RNF17: variants seen among roughly 807,000 people sequenced by gnomAD.
The protein encoded by RNF17 is ring finger protein 17, also known as spermatogenesis associated 23.
Under a neutral mutation model 200.5 loss-of-function variants are expected in RNF17, and 31 were observed. The ratio of observed to expected loss-of-function variants is 0.15; its 90% CI spans 0.12 to 0.21. The LOEUF is 0.21. Ranked by LOEUF, RNF17 falls within the 10% of genes least tolerant of loss-of-function variation. RNF17 has a pLI of 1.00. For synonymous variants in RNF17, 606 were observed against 637.8 expected (o/e 0.95, Z 0.75); for missense variants, 1,628 against 1,905.1 (o/e 0.85, Z 2.71).
In RNF17 at chr13:24,793,162, C is replaced by G; in HGVS notation, c.1056C>G (p.Val352=). The change falls in exon 10 of 36, where the codon GTC becomes GTG. Residue 352 remains valine, a synonymous_variant. Transcript: ENST00000255324. ...AAAAGAAAAAGGTTGACATGTCTGT[C>G]CTAACCAGTGAAGCACCACCACCTC... ...PLEKKKVDMS[V]LTSEAPPPPL... is the part of the protein sequence containing the mutation. 1 of 1,614,070 alleles carries G rather than the reference C, an allele frequency of 6.2e-7. No homozygotes were observed. Among genetic ancestry groups the G allele is most frequent in the Non-Finnish European group, 8.5e-7 (1 of 1,179,962 alleles).
At chr13:24,777,377 G>T (rs1046844236) in intron 3 of RNF17, among the ~76,000 whole-genome samples, 7 of 152,308 alleles carry the variant, frequency 4.6e-5, no homozygotes, top group African/African-American at 1.7e-4. Flanking sequence ...GTGATACAAA[G>T]ATAAAAATAG....
At chr13:24,852,124 TTCTC>T (rs1255901063) in intron 24 of RNF17, among the ~76,000 whole-genome samples, 2 of 148,924 alleles carry the variant, frequency 1.3e-5, no homozygotes, top group African/African-American at 2.5e-5. Flanking sequence ...GCTTAATCTT[TTCTC>T]TCTCTCTCTT....
intron 11 of RNF17, among the ~76,000 whole-genome samples, chr13:24,797,299 C>G (rs2137691781): frequency 6.6e-6 from 1 of 152,216 alleles, no homozygotes; most frequent in South Asian, 2.1e-4. Context: ...GATTAAAACA[C>G]TCATTTATAT....
rs550255119 is a variant in RNF17, at chr13:24,858,078, G to A, written c.3611-923G>A. 5.9e-4 allele frequency among the ~76,000 whole-genome samples: 89 copies of A among 152,136 alleles called. 1 individual carries two copies. The highest frequency in any genetic ancestry group is 1.1e-3 in the Non-Finnish European group (72 of 67,996). On this transcript the variant is annotated intron_variant, in intron 25 of 35. Transcript: ENST00000255324. ...GTAACCTGGGCCCATCAGAATAGTC[G>A]ATAACTCTAGCACTCATAGGGCTTA...
intron 6 of RNF17, among the ~76,000 whole-genome samples, chr13:24,786,936 C>A (rs1883186272): frequency 6.6e-6 from 1 of 152,036 alleles, no homozygotes; most frequent in African/African-American, 2.4e-5. Flanking sequence ...TCCTGTGATT[C>A]CTATAATGCA....
intron 16 of RNF17, among the ~76,000 whole-genome samples, chr13:24,829,585 G>A (rs1889161667): frequency 1.3e-5 from 2 of 152,172 alleles, no homozygotes; most frequent in Non-Finnish European, 2.9e-5. Flanking sequence ...GCCTATGTTT[G>A]AAGTGTCATC....
chr13:24,845,601 G>A (rs1593414256), intron 22 of RNF17, among the ~76,000 whole-genome samples: 1 of 152,152 alleles, frequency 6.6e-6, no homozygotes, highest in East Asian at 1.9e-4. Flanking sequence ...ATCAACATTT[G>A]TGTGGCAGGA....
At chr13:24,846,326 A>G (rs1011361176) in intron 22 of RNF17, among the ~76,000 whole-genome samples, 4 of 152,230 alleles carry the variant, frequency 2.6e-5, no homozygotes, top group Admixed American at 6.5e-5. Context: ...TTAAAAAACT[A>G]GTAAATTCCA....
intron 32 of RNF17, among the ~76,000 whole-genome samples, chr13:24,873,657 CTATATGT>C (rs1894536543): frequency 6.6e-6 from 1 of 152,170 alleles, no homozygotes; most frequent in African/African-American, 2.4e-5. Context: ...TTCCTTCCAA[CTATATGT>C]TTGTACCTAT....
chr13:24,796,665 G>A (rs1353512392), intron 11 of RNF17, among the ~76,000 whole-genome samples: 3 of 152,094 alleles, frequency 2.0e-5, no homozygotes, highest in African/African-American at 7.2e-5. Context: ...TGAGTGTTGG[G>A]GCTAGCATTG....
At chr13:24,749,307 CTT>C in the RNF17 span, among the ~76,000 whole-genome samples, 19 of 108,030 alleles carry the variant, frequency 1.8e-4, no homozygotes, top group African/African-American at 5.9e-4. Context: ...TTCTTTCTTT[CTT>C]TTTTTTTTTT....
chr13:24,772,426 A>ATT (rs34066913), intron 2 of RNF17, among the ~76,000 whole-genome samples: 25 of 105,986 alleles, frequency 2.4e-4, no homozygotes, highest in Non-Finnish European at 2.8e-4. Context: ...TTGAGTCTCC[A>ATT]TTTTTTTTTT....
chr13:24,851,363 G>T, intron 23 of RNF17, 93 bp from the exon 24 acceptor site: 1 of 861,632 alleles, frequency 1.2e-6, no homozygotes. Flanking sequence ...CTTGCTTAGA[G>T]AAATGTAGAA....
chr13:24,763,676 G>A (rs980068091), upstream of RNF17, among the ~76,000 whole-genome samples: 7 of 152,056 alleles, frequency 4.6e-5, no homozygotes, highest in Admixed American at 4.6e-4. Context: ...ACGCTGCCTT[G>A]TATATTATTA....
At chr13:24,850,855 T>A (rs1891807571) in intron 23 of RNF17, among the ~76,000 whole-genome samples, 1 of 152,226 alleles carries the variant, frequency 6.6e-6, no homozygotes, top group Non-Finnish European at 1.5e-5. Context: ...TTAACTGATG[T>A]TGTATTCCTC....
chr13:24,863,541 A>G (rs1893317360), intron 28 of RNF17, among the ~76,000 whole-genome samples: 1 of 152,150 alleles, frequency 6.6e-6, no homozygotes, highest in Admixed American at 6.5e-5. Context: ...CTATGTTTGC[A>G]GGGCCTGAAT....
intron 15 of RNF17, among the ~76,000 whole-genome samples, chr13:24,817,395 A>G (rs924692751): frequency 6.6e-6 from 1 of 152,180 alleles, no homozygotes; most frequent in Non-Finnish European, 1.5e-5. Flanking sequence ...GTTTGTTGGC[A>G]TACAATTGTC....
At chr13:24,830,226 A>G (rs17081239) in intron 16 of RNF17, among the ~76,000 whole-genome samples, 21,802 of 152,116 alleles carry the variant, frequency 0.14, 2,052 homozygotes, top group Admixed American at 0.26. Context: ...AAGTCATACC[A>G]CCTGCCATAT....
intron 16 of RNF17, among the ~76,000 whole-genome samples, chr13:24,826,292 A>T (rs183800045): frequency 2.0e-4 from 30 of 152,334 alleles, no homozygotes; most frequent in African/African-American, 7.2e-4. Flanking sequence ...TGAAGACAGA[A>T]GATTTATGAA....
Sources: allele counts gnomAD v4.1 joint callset (sites outside exome capture counted in the v4.1 genomes callset), GRCh38; gene constraint gnomAD v4.1.1; transcripts MANE v1.5; gene names NCBI Gene and HGNC (gene_info 2026-07-23, HGNC 2026-07-21).